LCOR: variants seen among roughly 807,000 people sequenced by gnomAD.
LCOR encodes ligand dependent nuclear receptor corepressor.
A neutral mutation model predicts 64.4 loss-of-function variants in LCOR; 14 were observed. The ratio of observed to expected loss-of-function variants is 0.22; its 90% CI spans 0.14 to 0.34. The LOEUF is 0.34. Among genes scored for constraint, LCOR ranks in the 10% least tolerant of loss-of-function variants. The pLI is 1.00. For synonymous variants in LCOR, 643 were observed against 642.5 expected, an observed-to-expected ratio of 1.00 and a Z score of -0.01; for missense variants, 1,686 against 1,765.3, an observed-to-expected ratio of 0.96 and a Z score of 0.80.
rs1250164019 is a variant in LCOR at position 96,994,408 on chromosome 10, C to T, written c.*9274C>T. The T allele has an allele frequency of 2.0e-5, 3 of 152,210 alleles. No individual in the cohort carries two copies. The highest frequency in any genetic ancestry group is 6.5e-5 in the Admixed American group (1 of 15,280). The allele number at this position is 152,210 out of a possible 1,614,324, so 9.4% of individuals were successfully genotyped here. A position where few individuals can be genotyped will look rare whatever the true frequency, so the allele number is the denominator to read the frequency against. On this transcript the variant is annotated 3_prime_UTR_variant, in exon 8 of 8. Coordinates refer to ENST00000421806, the MANE Select transcript of LCOR (RefSeq NM_001346516.2). ...GCAGATTTCTAAAGCTGTTAAGCAGCCTCTCTTTTTGACCGTCCTAAACTT... is the reference window on the plus strand; with the variant it reads ...GCAGATTTCTAAAGCTGTTAAGCAGTCTCTCTTTTTGACCGTCCTAAACTT...
At chr10:96,979,150 C>T (rs1397418741) in intron 7 of LCOR, among the ~76,000 whole-genome samples, 3 of 152,176 alleles carry the variant, frequency 2.0e-5, no homozygotes, top group East Asian at 1.9e-4. Flanking sequence ...AAAAGTGCCT[C>T]ATGACTGAGA....
chr10:96,925,200 T>C (rs964858771), intron 4 of LCOR, among the ~76,000 whole-genome samples: 35 of 152,050 alleles, frequency 2.3e-4, no homozygotes, highest in Non-Finnish European at 4.4e-4. Flanking sequence ...CTCAGCCTCC[T>C]GAGTAGCTGG....
At chr10:96,847,369 CG>C (rs1554831149) in intron 2 of LCOR, among the ~76,000 whole-genome samples, 4 of 150,034 alleles carry the variant, frequency 2.7e-5, no homozygotes, top group Non-Finnish European at 5.9e-5. Flanking sequence ...AAAAAGCACA[CG>C]GTAACAGTCC....
At chr10:96,836,344 ACTC>A (rs1356022459) in intron 2 of LCOR, among the ~76,000 whole-genome samples, 2 of 151,914 alleles carry the variant, frequency 1.3e-5, no homozygotes. Flanking sequence ...CTGGTCTCAA[ACTC>A]CTCCTGTCTC....
At chr10:96,885,759 A>G (rs1589631368) in intron 2 of LCOR, among the ~76,000 whole-genome samples, 2 of 152,048 alleles carry the variant, frequency 1.3e-5, no homozygotes, top group East Asian at 3.9e-4. Context: ...CCGAAAAGAA[A>G]AAAAAAAGAT....
chr10:96,916,062 C>T (rs774824494), intron 4 of LCOR, among the ~76,000 whole-genome samples: 4 of 152,016 alleles, frequency 2.6e-5, no homozygotes, highest in African/African-American at 4.8e-5. Flanking sequence ...GACGGAGTCT[C>T]GTTCTGTTGC....
chr10:96,860,384 G>T (rs1047734793), intron 2 of LCOR, among the ~76,000 whole-genome samples: 1 of 152,210 alleles, frequency 6.6e-6, no homozygotes, highest in African/African-American at 2.4e-5. Context: ...TGGAGGCAGG[G>T]ATTAGAGTTA....
intron 4 of LCOR, among the ~76,000 whole-genome samples, chr10:96,916,537 T>C (rs1017199763): frequency 2.0e-5 from 3 of 150,858 alleles, no homozygotes; most frequent in Admixed American, 6.6e-5. Context: ...AAAATTTCAA[T>C]ATAGTTTCTA....
intron 2 of LCOR, among the ~76,000 whole-genome samples, chr10:96,882,241 T>A (rs12261216): frequency 6.6e-6 from 1 of 152,246 alleles, no homozygotes; most frequent in African/African-American, 2.4e-5. Context: ...AGAAGGTAAC[T>A]GAATTCTTAC....
intron 2 of LCOR, among the ~76,000 whole-genome samples, chr10:96,900,352 C>CT (rs572541365): frequency 6.6e-6 from 1 of 151,540 alleles, no homozygotes. Flanking sequence ...ATACTTGATT[C>CT]TTTTTTTAAA....
intron 4 of LCOR, among the ~76,000 whole-genome samples, chr10:96,911,093 C>CTTT (rs71007308): frequency 5.0e-4 from 57 of 114,132 alleles, no homozygotes; most frequent in East Asian, 1.9e-3. Context: ...TACATGTTCC[C>CTTT]TTTTTTTTTT....
intron 2 of LCOR, among the ~76,000 whole-genome samples, chr10:96,837,285 C>T (rs2134359156): frequency 6.6e-6 from 1 of 152,122 alleles, no homozygotes; most frequent in South Asian, 2.1e-4. Flanking sequence ...CCACTGCGTC[C>T]CTCTATGTAT....
intron 2 of LCOR, among the ~76,000 whole-genome samples, chr10:96,870,713 C>T (rs1343108437): frequency 6.6e-6 from 1 of 152,184 alleles, no homozygotes; most frequent in Non-Finnish European, 1.5e-5. Flanking sequence ...TGTCTGTGCC[C>T]TCTAAAATAA....
chr10:96,987,473 CA>C lies in LCOR; in HGVS notation c.*2340del, dbSNP rs1208469272. The C allele has an allele frequency of 1.3e-5, 2 of 152,150 alleles. No individual in the cohort carries two copies. Among genetic ancestry groups the C allele is most frequent in the African/African-American group, 2.4e-5 (1 of 41,438 alleles). The allele number at this position is 152,150 out of a possible 1,614,324, so 9.4% of individuals were successfully genotyped here. A position where few individuals can be genotyped will look rare whatever the true frequency, so the allele number is the denominator to read the frequency against. ...TCCATTCCTTTTCTAAGTTCTTTTT[CA>C]TTTTTAAAAGCTCAGTTAAAGATAA... On this transcript the variant is annotated 3_prime_UTR_variant, in exon 8 of 8. Coordinates refer to ENST00000421806, the MANE Select transcript of LCOR (RefSeq NM_001346516.2).
chr10:96,924,692 A>G (rs1847138143), intron 4 of LCOR, among the ~76,000 whole-genome samples: 1 of 151,804 alleles, frequency 6.6e-6, no homozygotes, highest in Non-Finnish European at 1.5e-5. Flanking sequence ...GTTCTTTGTC[A>G]TAATTACTAC....
At chr10:96,920,752 A>ATATGTT (rs1564626498) in intron 4 of LCOR, among the ~76,000 whole-genome samples, 1 of 19,770 alleles carries the variant, frequency 5.1e-5, no homozygotes, top group African/African-American at 1.2e-4. Flanking sequence ...ATATATGTAT[A>ATATGTT]CACACACACA....
At chr10:96,924,732 T>G (rs570202693) in intron 4 of LCOR, among the ~76,000 whole-genome samples, 36 of 152,164 alleles carry the variant, frequency 2.4e-4, no homozygotes, top group Non-Finnish European at 5.0e-4. Flanking sequence ...TTGAGCCATA[T>G]GAAAATAAGT....
At chr10:96,922,621 CTT>C (rs1442363844) in intron 4 of LCOR, among the ~76,000 whole-genome samples, 9 of 152,132 alleles carry the variant, frequency 5.9e-5, no homozygotes, top group Admixed American at 5.9e-4. Context: ...GTAGTATAAA[CTT>C]TGAATTTCCA....
At chr10:96,899,411 G>T (rs1179279147) in intron 2 of LCOR, among the ~76,000 whole-genome samples, 5 of 152,154 alleles carry the variant, frequency 3.3e-5, no homozygotes, top group African/African-American at 1.2e-4. Context: ...CTTATTAAAT[G>T]TGAGATTTAA....
Sources: allele counts gnomAD v4.1 joint callset (sites outside exome capture counted in the v4.1 genomes callset), GRCh38; gene constraint gnomAD v4.1.1; transcripts MANE v1.5; gene names NCBI Gene and HGNC (gene_info 2026-07-23, HGNC 2026-07-21).